The following KREMEN1 variants were observed in gnomAD, a reference collection of about 807,000 sequenced individuals.
KREMEN1 encodes the protein kremen protein 1.
A neutral mutation model predicts 46.5 loss-of-function variants in KREMEN1; 30 were observed. The ratio of observed to expected loss-of-function variants is 0.65; its 90% CI spans 0.48 to 0.88. KREMEN1 has a LOEUF of 0.88. Ranked by LOEUF, KREMEN1 falls within the 40% of genes least tolerant of loss-of-function variation. The pLI is 0.00. For synonymous variants in KREMEN1, 214 were observed against 230.6 expected (o/e 0.93, Z 0.65); for missense variants, 533 against 596.9 (o/e 0.89, Z 1.11).
chr22:29,085,860 A>G (rs1006928392), intron 1 of KREMEN1, among the ~76,000 whole-genome samples: 2 of 151,934 alleles, frequency 1.3e-5, no homozygotes, highest in African/African-American at 2.4e-5. Flanking sequence ...AGTCCCAGCT[A>G]TGTGGGAGGC....
chr22:29,101,252 CAAAAAAAAAAAAA>C (rs368843166), intron 3 of KREMEN1, among the ~76,000 whole-genome samples: 39 of 74,806 alleles, frequency 5.2e-4, no homozygotes, highest in Non-Finnish European at 6.6e-4. Context: ...AGTCTGTCTC[CAAAAAAAAAAAAA>C]AAAAAAAAAA....
At chr22:29,141,916 T>C (rs1873527807) in intron 8 of KREMEN1, 28 bp from the exon 9 acceptor site, 1 of 1,536,110 alleles carries the variant, frequency 6.5e-7, no homozygotes. Context: ...TTCTAATCTA[T>C]TGGAAAAAAT....
At chr22:29,111,546 A>G (rs1452673746) in intron 3 of KREMEN1, 2 of 148,706 alleles carry the variant, frequency 1.3e-5, no homozygotes, top group East Asian at 4.1e-4. Flanking sequence ...CCCGGGAGGC[A>G]GAGCTTGCAG....
intron 9 of KREMEN1, among the ~76,000 whole-genome samples, chr22:29,161,766 CT>C (rs941015600): frequency 2.0e-5 from 3 of 152,032 alleles, no homozygotes; most frequent in Admixed American, 2.0e-4. Context: ...GCCAATATCC[CT>C]GATGAACATA....
intron 5 of KREMEN1, among the ~76,000 whole-genome samples, chr22:29,136,809 G>C (rs1368986788): frequency 2.6e-5 from 4 of 152,174 alleles, no homozygotes; most frequent in Non-Finnish European, 5.9e-5. Flanking sequence ...TTCCCTGCTT[G>C]AAAACGTGGT....
At chr22:29,105,769 GA>G in intron 3 of KREMEN1, among the ~76,000 whole-genome samples, 1 of 152,252 alleles carries the variant, frequency 6.6e-6, no homozygotes, top group East Asian at 1.9e-4. Flanking sequence ...TAACCTATGA[GA>G]AGTTCTCTAG....
rs2038776325 is a variant in KREMEN1 at position 29,142,250 on chromosome 22, TACAG to T, written c.*141_*144del. ...GGCCTCTTCGGGGAAACCCTCCTCCTACAGACTAGGAAGAGGCACCCTGCTGCCA... is the reference window on the plus strand; with the variant it reads ...GGCCTCTTCGGGGAAACCCTCCTCCTACTAGGAAGAGGCACCCTGCTGCCA... On this transcript the variant is annotated 3_prime_UTR_variant, in exon 9 of 9. Transcript: ENST00000400335. 1 of 1,368,382 alleles carries T rather than the reference TACAG, an allele frequency of 7.3e-7. No homozygotes were observed. Among genetic ancestry groups the T allele is most frequent in the African/African-American group, 1.5e-5 (1 of 67,114 alleles). 84.8% of individuals were successfully genotyped at this position (1,368,382 alleles called of 1,614,324 possible). A position where few individuals can be genotyped will look rare whatever the true frequency, so the allele number is the denominator to read the frequency against.
chr22:29,156,827 T>C (rs899488397), intron 9 of KREMEN1, among the ~76,000 whole-genome samples: 1 of 152,224 alleles, frequency 6.6e-6, no homozygotes, highest in Non-Finnish European at 1.5e-5. Context: ...CGCTCAACTC[T>C]ACATACGGTG....
chr22:29,165,557 G>A (rs766837851), intron 9 of KREMEN1, among the ~76,000 whole-genome samples: 10 of 152,168 alleles, frequency 6.6e-5, no homozygotes, highest in Non-Finnish European at 1.0e-4. Flanking sequence ...GGAGGCTGCC[G>A]CCCACCACGT....
intron 2 of KREMEN1, among the ~76,000 whole-genome samples, chr22:29,098,498 G>A (rs375841899): frequency 6.6e-6 from 1 of 152,182 alleles, no homozygotes; most frequent in Non-Finnish European, 1.5e-5. Context: ...ATTCATCAGC[G>A]GCATTGAGAG....
At chr22:29,123,316 C>A (rs1601791994) in intron 4 of KREMEN1, among the ~76,000 whole-genome samples, 2 of 145,172 alleles carry the variant, frequency 1.4e-5, no homozygotes, top group Non-Finnish European at 1.5e-5. Flanking sequence ...ACATATGTGA[C>A]AAAGGACTTG....
At chr22:29,161,431 C>A (rs146726822) in intron 9 of KREMEN1, among the ~76,000 whole-genome samples, 1 of 148,250 alleles carries the variant, frequency 6.7e-6, no homozygotes, top group African/African-American at 2.5e-5. Context: ...GGCGTGAACC[C>A]GGGAGGCAGA....
At chr22:29,077,871 G>T (rs2037596459) in intron 1 of KREMEN1, among the ~76,000 whole-genome samples, 1 of 152,150 alleles carries the variant, frequency 6.6e-6, no homozygotes, top group South Asian at 2.1e-4. Flanking sequence ...GGTTAAAATG[G>T]TACATTTTAT....
At position 29,141,939 on chromosome 22, in the gene KREMEN1, G is replaced by T; in HGVS notation, c.1209-5G>T. 6.3e-7 allele frequency: 1 copy of T among 1,588,148 alleles called. No homozygotes were observed. The highest frequency in any genetic ancestry group is 1.2e-5 in the South Asian group (1 of 86,748). On this transcript the variant is annotated splice_polypyrimidine_tract_variant and splice_region_variant and intron_variant, in intron 8 of 8. Transcript: ENST00000400335. ...TATTGGAAAAAATATTTATCTGCTTGACAGATCCCATCGTGTTCCTGCTTC... is the reference window on the plus strand; with the variant it reads ...TATTGGAAAAAATATTTATCTGCTTTACAGATCCCATCGTGTTCCTGCTTC...
At chr22:29,094,685 G>A (rs1033899469) in intron 2 of KREMEN1, among the ~76,000 whole-genome samples, 12 of 148,558 alleles carry the variant, frequency 8.1e-5, no homozygotes, top group East Asian at 2.0e-4. Flanking sequence ...GTGCAGTGGC[G>A]CGATCTCGGC....
Position 29,145,466 on chromosome 22 carries a change from C to G in KREMEN1, c.*3354C>G. 1.0e-6 allele frequency: 1 copy of G among 985,584 alleles called. No individual in the cohort carries two copies. Among genetic ancestry groups the G allele is most frequent in the Non-Finnish European group, 1.2e-6 (1 of 830,070 alleles). 61.1% of individuals were successfully genotyped at this position (985,584 alleles called of 1,614,324 possible). A position where few individuals can be genotyped will look rare whatever the true frequency, so the allele number is the denominator to read the frequency against. On this transcript the variant is annotated 3_prime_UTR_variant, in exon 9 of 9. Coordinates refer to ENST00000400335, the MANE Select transcript of KREMEN1 (RefSeq NM_001039570.3). ...TCCTCACCCCTGTTCCCCGCTGGCG[C>G]CAGGCCCTGCCTTCTTGGTACCTGT...
At chr22:29,086,026 G>GT (rs10696373) in intron 1 of KREMEN1, among the ~76,000 whole-genome samples, 14,905 of 142,368 alleles carry the variant, frequency 0.1, 1,224 homozygotes, top group African/African-American at 0.22. Flanking sequence ...GGGAGGTGAG[G>GT]TTTTTTTTTT....
At chr22:29,166,899 C>A in intron 9 of KREMEN1, 1 of 671,064 alleles carries the variant, frequency 1.5e-6, no homozygotes, top group Non-Finnish European at 2.7e-6. Flanking sequence ...GACCACCGCA[C>A]TCCAGGCTGG....
At chr22:29,133,310 T>C (rs1200348924) in intron 5 of KREMEN1, among the ~76,000 whole-genome samples, 1 of 151,966 alleles carries the variant, frequency 6.6e-6, no homozygotes, top group East Asian at 1.9e-4. Context: ...CAACTTTTTT[T>C]TTTTTTTGAG....
Sources: gnomAD v4.1 joint callset for allele counts (sites outside exome capture counted in the v4.1 genomes callset) on GRCh38, gnomAD v4.1.1 for gene constraint, MANE v1.5 for transcripts, NCBI Gene and HGNC (gene_info 2026-07-23, HGNC 2026-07-21) for gene names.